PLA2G12B: variants seen among roughly 807,000 people sequenced by gnomAD.
The protein encoded by PLA2G12B is phospholipase A2 group XIIB, also known as group XIIB secretory phospholipase A2-like protein.
PLA2G12B carries 19 observed loss-of-function variants against 22.3 expected under a neutral mutation model. The ratio of observed to expected loss-of-function variants is 0.85; its 90% CI spans 0.60 to 1.25. The LOEUF (loss-of-function observed/expected upper bound fraction) is 1.25. PLA2G12B is among the 50% of genes most tolerant of loss of function. The pLI is 0.00. For missense variants in PLA2G12B, 191 were observed against 246.6 expected (o/e 0.77, Z 1.51); for synonymous variants, 81 against 94.9 (o/e 0.85, Z 0.85).
At chr10:72,953,917 T>C (rs1047166353) in intron 1 of PLA2G12B, among the ~76,000 whole-genome samples, 13 of 152,070 alleles carry the variant, frequency 8.5e-5, no homozygotes, top group African/African-American at 3.1e-4. Flanking sequence ...GTCCAGCAAA[T>C]TGATGCCAGT....
At chr10:72,949,969 T>G (rs1846502681) in intron 1 of PLA2G12B, among the ~76,000 whole-genome samples, 1 of 150,136 alleles carries the variant, frequency 6.7e-6, no homozygotes, top group Admixed American at 6.6e-5. Flanking sequence ...AGAGGGAGAC[T>G]CCGTCTCAAG....
chr10:72,937,833 T>G (rs1021304258), intron 3 of PLA2G12B, among the ~76,000 whole-genome samples: 1 of 152,214 alleles, frequency 6.6e-6, no homozygotes, highest in African/African-American at 2.4e-5. Context: ...TCCAACACTT[T>G]TTCACGATAA....
At chr10:72,941,811 TGC>T (rs1276373636) in intron 2 of PLA2G12B, among the ~76,000 whole-genome samples, 1 of 146,136 alleles carries the variant, frequency 6.8e-6, no homozygotes, top group Non-Finnish European at 1.5e-5. Flanking sequence ...TTTAAGGGTG[TGC>T]GTGTGTGTGT....
chr10:72,939,878 G>T (rs775436842), intron 3 of PLA2G12B, among the ~76,000 whole-genome samples: 9 of 152,214 alleles, frequency 5.9e-5, no homozygotes, highest in Non-Finnish European at 1.2e-4. Context: ...TACACAGGGG[G>T]TTGAGATGAT....
At chr10:72,953,665 T>A (rs2132984308) in intron 1 of PLA2G12B, among the ~76,000 whole-genome samples, 1 of 152,170 alleles carries the variant, frequency 6.6e-6, no homozygotes, top group South Asian at 2.1e-4. Flanking sequence ...TCCCCTTACA[T>A]TAACTTCCAG....
At position 72,940,641 on chromosome 10, in the gene PLA2G12B, C is replaced by T. The variant is rs146484085; in HGVS notation, c.466+528G>A. On this transcript the variant is annotated intron_variant, in intron 3 of 3. Coordinates refer to ENST00000373032, the MANE Select transcript of PLA2G12B (RefSeq NM_032562.5). ...GAGCTGAGATCCCACCACTACACTC[C>T]AGCCTGGGCAACAGAGTGAGATTCT... Among the ~76,000 whole-genome samples, 427 of 152,192 alleles carry T rather than the reference C, an allele frequency of 2.8e-3. 4 individuals carry two copies. Among genetic ancestry groups the T allele is most frequent in the African/African-American group, 9.6e-3 (398 of 41,500 alleles).
intron 1 of PLA2G12B, among the ~76,000 whole-genome samples, chr10:72,948,503 T>G (rs1846477845): frequency 6.6e-6 from 1 of 152,214 alleles, no homozygotes; most frequent in Non-Finnish European, 1.5e-5. Flanking sequence ...CTCAAATTAT[T>G]GTTTCAGTAG....
intron 1 of PLA2G12B, among the ~76,000 whole-genome samples, chr10:72,946,774 T>A (rs1479772267): frequency 6.6e-6 from 1 of 152,224 alleles, no homozygotes; most frequent in Non-Finnish European, 1.5e-5. Flanking sequence ...ACCCACTCTA[T>A]AACTGAGTTA....
intron 1 of PLA2G12B, among the ~76,000 whole-genome samples, chr10:72,946,147 C>G (rs1846437144): frequency 6.6e-6 from 1 of 152,168 alleles, no homozygotes; most frequent in South Asian, 2.1e-4. Context: ...CCATTAACCA[C>G]CTCTCCCATC....
intron 3 of PLA2G12B, among the ~76,000 whole-genome samples, chr10:72,936,966 C>T (rs1484136158): frequency 2.6e-5 from 4 of 152,040 alleles, no homozygotes; most frequent in Admixed American, 6.5e-5. Context: ...TTTGGGAGGC[C>T]GAAGCAGGCA....
rs1257570264 is a variant in PLA2G12B, at chr10:72,935,418, C to G, written c.*199G>C. ...GCAGTCTTAAATGAAGAGTAGCTTT[C>G]AAACCACTCCATGTCTTTTTTCAAA... On this transcript the variant is annotated 3_prime_UTR_variant, in exon 4 of 4. Transcript: ENST00000373032. 2 of 717,246 alleles carry G rather than the reference C, an allele frequency of 2.8e-6. No homozygotes were observed. The highest frequency in any genetic ancestry group is 1.8e-5 in the African/African-American group (1 of 55,838). 44.4% of individuals were successfully genotyped at this position (717,246 alleles called of 1,614,324 possible).
intron 2 of PLA2G12B, among the ~76,000 whole-genome samples, chr10:72,942,165 T>C (rs1442213318): frequency 7.5e-6 from 1 of 133,566 alleles, no homozygotes; most frequent in Non-Finnish European, 1.5e-5. Context: ...TGTGTGTGTG[T>C]GTGTGTGTGT....
At chr10:72,937,828 C>T (rs1460136124) in intron 3 of PLA2G12B, among the ~76,000 whole-genome samples, 2 of 152,112 alleles carry the variant, frequency 1.3e-5, no homozygotes, top group Non-Finnish European at 2.9e-5. Flanking sequence ...AAACATCCAA[C>T]ACTTTTTCAC....
At chr10:72,938,100 T>A in intron 3 of PLA2G12B, among the ~76,000 whole-genome samples, 3 of 129,270 alleles carry the variant, frequency 2.3e-5, no homozygotes, top group Admixed American at 8.7e-5. Context: ...GGTGTAAGAG[T>A]GAAACTCCAT....
At chr10:72,953,813 C>CA (rs1846571039) in intron 1 of PLA2G12B, among the ~76,000 whole-genome samples, 2 of 152,190 alleles carry the variant, frequency 1.3e-5, no homozygotes, top group African/African-American at 4.8e-5. Flanking sequence ...GTCCAGGGGA[C>CA]AGCCCCGGGA....
intron 1 of PLA2G12B, 102 bp downstream of exon 1, chr10:72,954,373 A>G: frequency 1.4e-6 from 2 of 1,420,198 alleles, no homozygotes; most frequent in Non-Finnish European, 2.0e-6. Flanking sequence ...GGCAGCTCTA[A>G]GTGGATAACA....
In PLA2G12B at chr10:72,935,475, T is replaced by C. The variant is rs576502682; in HGVS notation, c.*142A>G. 2 of 1,247,680 alleles carry C rather than the reference T, an allele frequency of 1.6e-6. No homozygotes were observed. The highest frequency in any genetic ancestry group is 4.7e-5 in the Admixed American group (2 of 42,686). 77.3% of individuals were successfully genotyped at this position (1,247,680 alleles called of 1,614,324 possible). A position where few individuals can be genotyped will look rare whatever the true frequency, so the allele number is the denominator to read the frequency against. Reference sequence around the variant, plus strand: ...CAAAGGATAGGACTCACTTTCCAGCTGTAGAAAAATGTTCCCTTTCTCCTG... The same window carrying C: ...CAAAGGATAGGACTCACTTTCCAGCCGTAGAAAAATGTTCCCTTTCTCCTG... On this transcript the variant is annotated 3_prime_UTR_variant, in exon 4 of 4. Coordinates refer to ENST00000373032, the MANE Select transcript of PLA2G12B (RefSeq NM_032562.5).
At chr10:72,946,357 G>A (rs964078806) in intron 1 of PLA2G12B, among the ~76,000 whole-genome samples, 7 of 152,084 alleles carry the variant, frequency 4.6e-5, no homozygotes, top group South Asian at 2.1e-4. Flanking sequence ...CCCATTCATC[G>A]GTTAATAGAC....
chr10:72,938,397 A>T (rs1846311475), intron 3 of PLA2G12B, among the ~76,000 whole-genome samples: 1 of 152,106 alleles, frequency 6.6e-6, no homozygotes, highest in Non-Finnish European at 1.5e-5. Flanking sequence ...GGAAAGGAAG[A>T]TGATATGCAG....
Sources: allele counts gnomAD v4.1 joint callset (sites outside exome capture counted in the v4.1 genomes callset), GRCh38; gene constraint gnomAD v4.1.1; transcripts MANE v1.5; gene names NCBI Gene and HGNC (gene_info 2026-07-23, HGNC 2026-07-21).